TPD52: variants seen among roughly 807,000 people sequenced by gnomAD.
TPD52 encodes the protein tumor protein D52.
In TPD52, 17 loss-of-function variants were observed where a neutral mutation model predicts 31.3. That is an observed-to-expected ratio of 0.54 (90% confidence interval 0.37 to 0.82). TPD52 has a LOEUF of 0.82. Ranked by LOEUF, TPD52 falls within the 40% of genes least tolerant of loss-of-function variation. TPD52 has a pLI of 0.00. For synonymous variants in TPD52, 83 were observed against 89.6 expected, an observed-to-expected ratio of 0.93 and a Z score of 0.42; for missense variants, 212 against 240.1, an observed-to-expected ratio of 0.88 and a Z score of 0.77.
At chr8:80,075,225 C>T (rs967035992) in intron 1 of TPD52, among the ~76,000 whole-genome samples, 3 of 152,128 alleles carry the variant, frequency 2.0e-5, no homozygotes, top group Non-Finnish European at 4.4e-5. Flanking sequence ...GATCCGCCTG[C>T]CTCGGCCTCC....
intron 3 of TPD52, chr8:80,052,773 C>T (rs1372856216): frequency 8.2e-6 from 6 of 733,944 alleles, no homozygotes; most frequent in Non-Finnish European, 2.0e-6. Context: ...CTGCCAAGAG[C>T]ATATATCTGA....
chr8:80,071,459 A>G (rs1813773253), intron 1 of TPD52, among the ~76,000 whole-genome samples: 1 of 151,520 alleles, frequency 6.6e-6, no homozygotes, highest in Non-Finnish European at 1.5e-5. Flanking sequence ...TCACTTCCTC[A>G]CTGCCCACTA....
At chr8:80,127,354 G>A (rs1808690332) in intron 1 of TPD52, among the ~76,000 whole-genome samples, 1 of 152,168 alleles carries the variant, frequency 6.6e-6, no homozygotes, top group Non-Finnish European at 1.5e-5. Context: ...TCACGTTCAT[G>A]TATATTTTGA....
chr8:80,146,680 A>G (rs186129960), intron 1 of TPD52, among the ~76,000 whole-genome samples: 1 of 152,366 alleles, frequency 6.6e-6, no homozygotes, highest in East Asian at 1.9e-4. Context: ...TATTTATAAT[A>G]GTTAACAAAA....
chr8:80,056,293 C>T (rs1811880822), intron 2 of TPD52, among the ~76,000 whole-genome samples: 1 of 152,148 alleles, frequency 6.6e-6, no homozygotes, highest in Non-Finnish European at 1.5e-5. Context: ...CATGTTCTTA[C>T]TCACATGTGG....
At position 80,117,473 on chromosome 8, in the gene TPD52, A is replaced by C. The variant is rs1807941388; in HGVS notation, c.20-52880T>G. Among the ~76,000 whole-genome samples, 2 of 152,240 alleles carry C rather than the reference A, an allele frequency of 1.3e-5. 1 individual carries two copies. Among genetic ancestry groups the C allele is most frequent in the South Asian group, 4.1e-4 (2 of 4,838 alleles). On this transcript the variant is annotated intron_variant, in intron 1 of 7. Coordinates refer to ENST00000518937, the MANE Select transcript of TPD52 (RefSeq NM_001025253.3). ...AATATGGCTGAAAGAAATTAAATAC[A>C]TTTAAATAAATGGCAAGTCTAAAAA...
chr8:80,094,123 A>G (rs1269496581), intron 1 of TPD52, among the ~76,000 whole-genome samples: 1 of 152,090 alleles, frequency 6.6e-6, no homozygotes, highest in Non-Finnish European at 1.5e-5. Context: ...TATTTATTCC[A>G]GGAAGCTCTC....
intron 7 of TPD52, among the ~76,000 whole-genome samples, chr8:80,041,090 G>GT (rs1810338076): frequency 6.6e-6 from 1 of 152,116 alleles, no homozygotes; most frequent in Admixed American, 6.6e-5. Context: ...ACTAACGTTT[G>GT]TATGTTCAAG....
At chr8:80,075,789 A>T (rs1172017612) in intron 1 of TPD52, among the ~76,000 whole-genome samples, 1 of 152,210 alleles carries the variant, frequency 6.6e-6, no homozygotes, top group Non-Finnish European at 1.5e-5. Flanking sequence ...GAATAAGGAA[A>T]TTCTACATCT....
intron 1 of TPD52, among the ~76,000 whole-genome samples, chr8:80,087,850 C>T (rs1255815906): frequency 1.3e-5 from 2 of 152,354 alleles, no homozygotes; most frequent in East Asian, 3.9e-4. Flanking sequence ...CCCCACACCT[C>T]TTCATTCCCC....
intron 1 of TPD52, among the ~76,000 whole-genome samples, chr8:80,095,973 C>T (rs1015138758): frequency 6.6e-6 from 1 of 152,058 alleles, no homozygotes; most frequent in Admixed American, 6.6e-5. Flanking sequence ...TACATACTAT[C>T]GGCCAGGCAC....
intron 1 of TPD52, among the ~76,000 whole-genome samples, chr8:80,098,575 T>C (rs555872900): frequency 6.8e-4 from 103 of 152,342 alleles, no homozygotes; most frequent in Middle Eastern, 3.4e-3. Flanking sequence ...GGATATGTGA[T>C]TGAATAGCTG....
At chr8:80,085,192 G>A (rs933053622) in intron 1 of TPD52, among the ~76,000 whole-genome samples, 17 of 152,168 alleles carry the variant, frequency 1.1e-4, no homozygotes, top group Non-Finnish European at 2.5e-4. Context: ...AAGTGCTCAC[G>A]CACCACTATG....
At chr8:80,132,949 C>G (rs1483561893) in intron 1 of TPD52, among the ~76,000 whole-genome samples, 1 of 152,184 alleles carries the variant, frequency 6.6e-6, no homozygotes, top group African/African-American at 2.4e-5. Context: ...CCCCATGCCA[C>G]TTTTGAGTCC....
At chr8:80,050,632 T>C (rs1173827074) in intron 4 of TPD52, among the ~76,000 whole-genome samples, 161 bp from the exon 5 acceptor site, 1 of 152,194 alleles carries the variant, frequency 6.6e-6, no homozygotes, top group African/African-American at 2.4e-5. Flanking sequence ...GATACATACA[T>C]AATTGTCAAA....
intron 1 of TPD52, among the ~76,000 whole-genome samples, chr8:80,086,041 C>T (rs1030589161): frequency 2.0e-5 from 3 of 149,662 alleles, no homozygotes; most frequent in Non-Finnish European, 4.4e-5. Flanking sequence ...CATGAGGAAA[C>T]ATCAGACAAA....
chr8:80,115,116 C>T (rs1220161512), intron 1 of TPD52, among the ~76,000 whole-genome samples: 1 of 152,166 alleles, frequency 6.6e-6, no homozygotes. Flanking sequence ...GCCACATGCA[C>T]CTTTTTAAGC....
At chr8:80,124,354 T>C (rs929077667) in intron 1 of TPD52, among the ~76,000 whole-genome samples, 3 of 151,950 alleles carry the variant, frequency 2.0e-5, no homozygotes, top group Non-Finnish European at 2.9e-5. Context: ...TTTGTGGAGA[T>C]TAGAGATGGG....
chr8:80,072,374 GA>G (rs1412544140), intron 1 of TPD52, among the ~76,000 whole-genome samples: 26 of 117,060 alleles, frequency 2.2e-4, no homozygotes, highest in East Asian at 2.1e-3. Flanking sequence ...TGTACACATA[GA>G]TATGCGTGTA....
Sources: allele counts gnomAD v4.1 joint callset (sites outside exome capture counted in the v4.1 genomes callset), GRCh38; gene constraint gnomAD v4.1.1; transcripts MANE v1.5; gene names NCBI Gene and HGNC (gene_info 2026-07-23, HGNC 2026-07-21).